The following RBFOX3 variants were observed in gnomAD, a reference collection of about 807,000 sequenced individuals.
RBFOX3 encodes RNA binding protein fox-1 homolog 3.
RBFOX3 carries 17 observed loss-of-function variants against 48.7 expected under a neutral mutation model. The ratio of observed to expected loss-of-function variants is 0.35; its 90% confidence interval spans 0.24 to 0.52. RBFOX3 has a LOEUF of 0.52. RBFOX3 is among the 20% of genes least tolerant of loss of function. RBFOX3 has a pLI of 0.94. For synonymous variants in RBFOX3, 212 were observed against 209.5 expected, an observed-to-expected ratio of 1.01 and a Z score of -0.10; for missense variants, 382 against 497.5, an observed-to-expected ratio of 0.77 and a Z score of 2.21.
rs575728580 is a variant in RBFOX3, at chr17:79,265,641, C to T, written c.-73-29836G>A. Among the ~76,000 whole-genome samples, 36 of 152,300 alleles carry T rather than the reference C, an allele frequency of 2.4e-4. 1 individual carries two copies. Among genetic ancestry groups the T allele is most frequent in the African/African-American group, 8.2e-4 (34 of 41,570 alleles). ...CCAGGGTCTCCCAGGCTGATGTTAG[C>T]GACTTTCCAATTTCCAGAAAGGGCT... On this transcript the variant is annotated intron_variant, in intron 3 of 14. Transcript: ENST00000693108.
intron 1 of RBFOX3, among the ~76,000 whole-genome samples, chr17:79,566,015 T>C (rs2092440473): frequency 6.6e-6 from 1 of 152,160 alleles, no homozygotes; most frequent in South Asian, 2.1e-4. Context: ...TGTCGAGATA[T>C]ATTTAGATCC....
At chr17:79,614,036 G>A (rs2093984544), upstream of RBFOX3, among the ~76,000 whole-genome samples, 2 of 152,256 alleles carry the variant, frequency 1.3e-5, no homozygotes, top group African/African-American at 4.8e-5. Flanking sequence ...TAGGAGAAAA[G>A]AGAACAGTAG....
intron 4 of RBFOX3, among the ~76,000 whole-genome samples, chr17:79,222,968 C>G (rs1245672451): frequency 6.6e-6 from 1 of 152,190 alleles, no homozygotes; most frequent in African/African-American, 2.4e-5. Flanking sequence ...CTGGCTGCAG[C>G]TCTGGGGTGT....
intron 1 of RBFOX3, among the ~76,000 whole-genome samples, chr17:79,561,495 G>GAC (rs2092214385): frequency 6.6e-6 from 1 of 152,138 alleles, no homozygotes; most frequent in African/African-American, 2.4e-5. Flanking sequence ...AGTCCCCAGA[G>GAC]ACACACGAAC....
At chr17:79,442,103 G>A (rs1555735187) in intron 2 of RBFOX3, among the ~76,000 whole-genome samples, 2 of 151,166 alleles carry the variant, frequency 1.3e-5, no homozygotes, top group Non-Finnish European at 2.9e-5. Flanking sequence ...GACCATCCAC[G>A]GCCCTCTCCT....
At chr17:79,229,942 A>G (rs1253556258) in intron 4 of RBFOX3, among the ~76,000 whole-genome samples, 1 of 152,150 alleles carries the variant, frequency 6.6e-6, no homozygotes, top group Non-Finnish European at 1.5e-5. Context: ...ACTTGTGATG[A>G]CCTGTGTCCA....
At chr17:79,284,412 T>C (rs2071353135) in intron 3 of RBFOX3, among the ~76,000 whole-genome samples, 1 of 152,156 alleles carries the variant, frequency 6.6e-6, no homozygotes, top group African/African-American at 2.4e-5. Context: ...GTTCAGAAAA[T>C]AACAGCAACA....
chr17:79,390,024 T>C lies in RBFOX3; in HGVS notation c.-174-82200A>G, dbSNP rs374530779. ...CCGCAGCCTCCAGGTCTCCGCAGCC[T>C]CCAGGTCTCCGTAGCCTCCAGGTCT... On this transcript the variant is annotated intron_variant, in intron 2 of 14. Coordinates refer to ENST00000693108, the MANE Select transcript of RBFOX3 (RefSeq NM_001350451.2). The surrounding 1 kb of genome is among the most constrained non-coding windows in gnomAD (Gnocchi z 4.2). Among the ~76,000 whole-genome samples the C allele has an allele frequency of 1.0e-5, 1 of 99,458 alleles. No homozygotes were observed. The highest frequency in any genetic ancestry group is 2.4e-5 in the Non-Finnish European group (1 of 41,880). The allele number at this position is 99,458 out of a possible 152,430, so 65.2% of individuals were successfully genotyped here.
intron 4 of RBFOX3, among the ~76,000 whole-genome samples, chr17:79,127,576 T>G (rs1338692246): frequency 6.6e-6 from 1 of 152,134 alleles, no homozygotes; most frequent in Non-Finnish European, 1.5e-5. Context: ...CGGATGAAGA[T>G]TAAGCTGGAA....
intron 2 of RBFOX3, among the ~76,000 whole-genome samples, chr17:79,380,781 C>T (rs2059810145): frequency 6.6e-6 from 1 of 152,120 alleles, no homozygotes; most frequent in Non-Finnish European, 1.5e-5. Flanking sequence ...GCCCTGCCAC[C>T]ACACTTTCTA....
At chr17:79,422,804 T>C (rs2066664279) in intron 2 of RBFOX3, among the ~76,000 whole-genome samples, 1 of 152,158 alleles carries the variant, frequency 6.6e-6, no homozygotes, top group Admixed American at 6.5e-5. Flanking sequence ...GTGGAGCCTA[T>C]AAGTAGGTTA....
At position 79,198,700 on chromosome 17, in the gene RBFOX3, G is replaced by A. The variant is rs1423973728; in HGVS notation, c.-34+37066C>T. 1.3e-5 allele frequency among the ~76,000 whole-genome samples: 2 copies of A among 150,976 alleles called. No individual in the cohort carries two copies. The highest frequency in any genetic ancestry group is 2.4e-5 in the African/African-American group (1 of 40,950). ...GAGTGCAGTGGCATGATCTAGGCTC[G>A]TTGCAACCTCCACCTTCCGGGTTCA... On this transcript the variant is annotated intron_variant, in intron 4 of 14. Transcript: ENST00000693108. The surrounding 1 kb of genome is among the most constrained non-coding windows in gnomAD (Gnocchi z 8.2).
Position 79,364,791 on chromosome 17 carries a change from G to C in RBFOX3, c.-174-56967C>G, listed in dbSNP as rs2057484778. Among the ~76,000 whole-genome samples, 1 of 152,176 alleles carries C rather than the reference G, an allele frequency of 6.6e-6. No homozygotes were observed. Among genetic ancestry groups the C allele is most frequent in the Non-Finnish European group, 1.5e-5 (1 of 68,020 alleles). ...GGGAGAGGACCCCGCAAAGCCCCAGGATGACTACCCAGCCCACGCATGTGG... is the reference window on the plus strand; with the variant it reads ...GGGAGAGGACCCCGCAAAGCCCCAGCATGACTACCCAGCCCACGCATGTGG... On this transcript the variant is annotated intron_variant, in intron 2 of 14. Transcript: ENST00000693108. The surrounding 1 kb of genome is among the most constrained non-coding windows in gnomAD (Gnocchi z 5.1).
intron 1 of RBFOX3, among the ~76,000 whole-genome samples, chr17:79,566,283 G>A (rs1394544658): frequency 1.3e-5 from 2 of 152,212 alleles, no homozygotes; most frequent in East Asian, 3.9e-4. Flanking sequence ...TCTTGCCATA[G>A]TCCCTATTTA....
At chr17:79,600,205 A>G (rs968981345) in intron 1 of RBFOX3, 3 of 152,278 alleles carry the variant, frequency 2.0e-5, no homozygotes, top group African/African-American at 4.8e-5. Context: ...GTGCTCACAC[A>G]TGTACGACAC....
chr17:79,096,516 C>T (rs1167361565), intron 12 of RBFOX3, 137 bp downstream of exon 12: 9 of 740,934 alleles, frequency 1.2e-5, no homozygotes, highest in Non-Finnish European at 1.8e-5. Flanking sequence ...GCAGACGTGG[C>T]ACCCTCGCCC....
At chr17:79,278,638 C>T (rs1189167858) in intron 3 of RBFOX3, among the ~76,000 whole-genome samples, 1 of 152,238 alleles carries the variant, frequency 6.6e-6, no homozygotes. Context: ...TCTGCCCTGC[C>T]AGCGGCAGCC....
the RBFOX3 span, among the ~76,000 whole-genome samples, chr17:79,652,452 AAGAG>A: frequency 2.0e-5 from 3 of 146,992 alleles, no homozygotes; most frequent in Admixed American, 2.0e-4. Flanking sequence ...TCTGGAAAGA[AAGAG>A]AGAGAGAGAG....
chr17:79,520,177 C>A (rs1025389632), intron 1 of RBFOX3, among the ~76,000 whole-genome samples: 1,902 of 152,356 alleles, frequency 0.012, 48 homozygotes, highest in African/African-American at 0.044. Context: ...CGCCTCCTCC[C>A]CTGTGGAGTG....
Sources: allele counts gnomAD v4.1 joint callset (sites outside exome capture counted in the v4.1 genomes callset), GRCh38; gene constraint gnomAD v4.1.1; non-coding constraint Gnocchi (gnomAD v3.1); transcripts MANE v1.5; gene names NCBI Gene and HGNC (gene_info 2026-07-23, HGNC 2026-07-21).